PEPD: variants seen among roughly 807,000 people sequenced by gnomAD.
PEPD encodes the protein peptidase D, also known as xaa-Pro dipeptidase.
Under a neutral mutation model 60.7 loss-of-function variants are expected in PEPD, and 53 were observed. That is an observed-to-expected ratio of 0.87 (90% CI 0.70 to 1.10). PEPD has a LOEUF of 1.10. Ranked by LOEUF, PEPD falls within the 50% of genes least tolerant of loss-of-function variation. The probability of loss-of-function intolerance (pLI) is 0.00; values close to 1 mark genes in which losing one functional copy is unlikely to be tolerated. For synonymous variants in PEPD, 267 were observed against 284.1 expected (o/e 0.94, Z 0.60); for missense variants, 711 against 711.9 (o/e 1.00, Z 0.01).
At chr19:33,511,918 G>C (rs1235423810) in intron 2 of PEPD, among the ~76,000 whole-genome samples, 1 of 152,164 alleles carries the variant, frequency 6.6e-6, no homozygotes, top group Non-Finnish European at 1.5e-5. Flanking sequence ...CACAGTCTGC[G>C]GTCGCTCAGC....
chr19:33,498,751 TG>T (rs1970655628), intron 4 of PEPD, among the ~76,000 whole-genome samples: 1 of 150,446 alleles, frequency 6.6e-6, no homozygotes, highest in African/African-American at 2.5e-5. Flanking sequence ...TGGAGGCAGG[TG>T]CCCATCCCAC....
At chr19:33,432,257 C>T (rs564764577) in intron 9 of PEPD, among the ~76,000 whole-genome samples, 3 of 152,334 alleles carry the variant, frequency 2.0e-5, no homozygotes, top group African/African-American at 7.2e-5. Flanking sequence ...CAGGAGCCCA[C>T]TTAGCCTTCT....
intron 9 of PEPD, among the ~76,000 whole-genome samples, chr19:33,430,923 A>G (rs1969257911): frequency 6.6e-6 from 1 of 152,130 alleles, no homozygotes; most frequent in South Asian, 2.1e-4. Flanking sequence ...TGAAGGAACC[A>G]CAGTGTATCT....
At chr19:33,472,831 G>C (rs543737167) in intron 7 of PEPD, among the ~76,000 whole-genome samples, 1 of 152,302 alleles carries the variant, frequency 6.6e-6, no homozygotes, top group East Asian at 1.9e-4. Flanking sequence ...ATTGGAGCCA[G>C]GTGGGCGGGA....
intron 1 of PEPD, among the ~76,000 whole-genome samples, chr19:33,515,615 G>A (rs148202319): frequency 7.2e-5 from 11 of 151,982 alleles, no homozygotes; most frequent in Middle Eastern, 3.4e-3. Flanking sequence ...TGGGCACAGA[G>A]GCAAAACTCG....
At chr19:33,392,235 C>T (rs1165881244) in intron 12 of PEPD, among the ~76,000 whole-genome samples, 1 of 152,186 alleles carries the variant, frequency 6.6e-6, no homozygotes, top group Non-Finnish European at 1.5e-5. Flanking sequence ...GAGAGAACTT[C>T]CTAAGCACAG....
intron 11 of PEPD, among the ~76,000 whole-genome samples, chr19:33,403,357 C>G (rs1366505085): frequency 2.0e-5 from 3 of 152,228 alleles, no homozygotes; most frequent in Non-Finnish European, 4.4e-5. Flanking sequence ...GCCAGGAGGG[C>G]TGAGGAAGTG....
chr19:33,465,283 T>C (rs568736151), intron 7 of PEPD, among the ~76,000 whole-genome samples: 1 of 152,236 alleles, frequency 6.6e-6, no homozygotes, highest in Admixed American at 6.5e-5. Flanking sequence ...CATCAAAACA[T>C]TACTCCCCAG....
chr19:33,455,152 T>C (rs1018960449), intron 9 of PEPD, among the ~76,000 whole-genome samples: 5 of 152,176 alleles, frequency 3.3e-5, no homozygotes, highest in African/African-American at 1.2e-4. Flanking sequence ...GAATAAAGCA[T>C]GGACTTAAGA....
At chr19:33,435,752 C>T (rs766014211) in intron 9 of PEPD, among the ~76,000 whole-genome samples, 36 of 152,238 alleles carry the variant, frequency 2.4e-4, no homozygotes, top group Non-Finnish European at 5.0e-4. Context: ...GGTGTCAGAA[C>T]CTCCCAGGGC....
rs765924586 is a variant in PEPD, at chr19:33,400,803, G to A, written c.967+918C>T. 4.6e-5 allele frequency among the ~76,000 whole-genome samples: 7 copies of A among 152,344 alleles called. No individual in the cohort carries two copies. In the South Asian group the frequency reaches 8.3e-4, roughly 18 times the overall value. On this transcript the variant is annotated intron_variant, in intron 12 of 14. Transcript: ENST00000244137. ...GGACCTCCCATCACTGCTGGGAAAT[G>A]GTTTCTATTGTTGCAGGGCAGAGAG...
intron 5 of PEPD, 143 bp downstream of exon 5, chr19:33,493,147 A>C: frequency 1.4e-6 from 1 of 692,020 alleles, no homozygotes. Flanking sequence ...AGGCACTTGG[A>C]TAACAGGCGT....
At chr19:33,396,378 T>TG (rs1385468517) in intron 12 of PEPD, among the ~76,000 whole-genome samples, 2 of 152,056 alleles carry the variant, frequency 1.3e-5, no homozygotes, top group Non-Finnish European at 2.9e-5. Context: ...CAGGTGCTGC[T>TG]GGGCCCCTCT....
In PEPD at chr19:33,401,859, T is replaced by A. The variant is rs374795227; in HGVS notation, c.829A>T (p.Met277Leu). 1.9e-6 allele frequency: 3 copies of A among 1,613,008 alleles called. No individual in the cohort carries two copies. Among genetic ancestry groups the A allele is most frequent in the Non-Finnish European group, 2.5e-6 (3 of 1,179,944 alleles). ...IQNGDMCLFD[M>L]GGEYYCFASD... ...GCGAAGCAGTAATACTCACCGCCCATGTCGAACAGGCTGCGGAGAGAGGAA... is the reference window on the plus strand; with the variant it reads ...GCGAAGCAGTAATACTCACCGCCCAAGTCGAACAGGCTGCGGAGAGAGGAA... The change falls in exon 12 of 15, where the codon ATG becomes TTG. Residue 277 changes from methionine (M) to leucine (L), a missense_variant. Physicochemically the swap from Met to Leu is conservative, Grantham distance 15 (BLOSUM62 2). Coordinates refer to ENST00000244137, the MANE Select transcript of PEPD (RefSeq NM_000285.4).
intron 9 of PEPD, among the ~76,000 whole-genome samples, chr19:33,448,784 C>G (rs1386524813): frequency 6.6e-6 from 1 of 152,130 alleles, no homozygotes; most frequent in African/African-American, 2.4e-5. Context: ...AATTCCAGCC[C>G]ACGGTTACCA....
chr19:33,465,276 C>G (rs1220041181), intron 7 of PEPD, among the ~76,000 whole-genome samples: 1 of 152,128 alleles, frequency 6.6e-6, no homozygotes, highest in Non-Finnish European at 1.5e-5. Flanking sequence ...TGATTCTCAT[C>G]AAAACATTAC....
At chr19:33,502,811 G>A (rs571316615) in intron 3 of PEPD, among the ~76,000 whole-genome samples, 2 of 152,256 alleles carry the variant, frequency 1.3e-5, no homozygotes, top group African/African-American at 4.8e-5. Context: ...ACTGTGGAGT[G>A]CACTTTCATT....
chr19:33,429,977 G>C (rs1969235534), intron 9 of PEPD, among the ~76,000 whole-genome samples: 1 of 152,216 alleles, frequency 6.6e-6, no homozygotes, highest in African/African-American at 2.4e-5. Context: ...AATTAATCTT[G>C]AGGCCTGGGT....
At chr19:33,457,928 G>A (rs1969836085) in intron 9 of PEPD, among the ~76,000 whole-genome samples, 1 of 152,218 alleles carries the variant, frequency 6.6e-6, no homozygotes. Flanking sequence ...TCCCAGGCTG[G>A]ATTCACGGAG....
Sources: allele counts gnomAD v4.1 joint callset (sites outside exome capture counted in the v4.1 genomes callset), GRCh38; gene constraint gnomAD v4.1.1; transcripts MANE v1.5; gene names NCBI Gene and HGNC (gene_info 2026-07-23, HGNC 2026-07-21).